GRM7: variants seen among roughly 807,000 people sequenced by gnomAD.
GRM7 encodes the protein metabotropic glutamate receptor 7.
In GRM7, 35 loss-of-function variants were observed where a neutral mutation model predicts 84.5. The ratio of observed to expected loss-of-function variants is 0.41; its 90% CI spans 0.32 to 0.55. The LOEUF (loss-of-function observed/expected upper bound fraction) is 0.55, where lower values mean the gene tolerates loss of function less well. GRM7 is among the 20% of genes least tolerant of loss of function. The pLI is 0.19. For synonymous variants in GRM7, 487 were observed against 455.1 expected (o/e 1.07, Z -0.89); for missense variants, 1,003 against 1,194.6 (o/e 0.84, Z 2.36).
chr3:7,168,196 T>C (rs1030901246), intron 2 of GRM7, among the ~76,000 whole-genome samples: 1 of 152,074 alleles, frequency 6.6e-6, no homozygotes, highest in African/African-American at 2.4e-5. Flanking sequence ...AGAAAACACT[T>C]AGCACAGTGC....
chr3:7,364,667 T>G (rs1177268100), intron 4 of GRM7, among the ~76,000 whole-genome samples: 1 of 152,042 alleles, frequency 6.6e-6, no homozygotes, highest in Non-Finnish European at 1.5e-5. Context: ...TTAATATCCA[T>G]GTTTGACTTA....
intron 1 of GRM7, among the ~76,000 whole-genome samples, chr3:7,075,401 T>C (rs1370586276): frequency 6.6e-6 from 1 of 152,142 alleles, no homozygotes; most frequent in Admixed American, 6.5e-5. Context: ...CTATAACTTC[T>C]GTACCTCCCA....
chr3:6,917,495 T>C (rs1257424366), intron 1 of GRM7, among the ~76,000 whole-genome samples: 1 of 30,314 alleles, frequency 3.3e-5, no homozygotes, highest in Admixed American at 2.8e-4. Context: ...TGTTAATTGC[T>C]TTTTTTTTTT....
chr3:7,007,755 T>A (rs139382923), intron 1 of GRM7, among the ~76,000 whole-genome samples: 318 of 152,354 alleles, frequency 2.1e-3, no homozygotes, highest in Non-Finnish European at 3.5e-3. Flanking sequence ...TGTAGATTGT[T>A]TCTTGAAGAA....
intron 1 of GRM7, among the ~76,000 whole-genome samples, chr3:7,011,059 C>T (rs1695352132): frequency 6.6e-6 from 1 of 152,168 alleles, no homozygotes. Context: ...TATCCTGGTT[C>T]CCCTCCTGGC....
intron 1 of GRM7, among the ~76,000 whole-genome samples, chr3:6,997,981 T>C (rs1475621601): frequency 2.0e-5 from 3 of 151,300 alleles, no homozygotes; most frequent in Non-Finnish European, 2.9e-5. Flanking sequence ...TAGCTGGGTG[T>C]GGTGGCCTGC....
chr3:7,692,717 C>T (rs1397879077), intron 9 of GRM7, among the ~76,000 whole-genome samples: 1 of 152,206 alleles, frequency 6.6e-6, no homozygotes, highest in Non-Finnish European at 1.5e-5. Flanking sequence ...TAGTAACACA[C>T]ACCAATGAGT....
At chr3:7,521,162 A>G (rs1052714470) in intron 7 of GRM7, among the ~76,000 whole-genome samples, 2 of 152,132 alleles carry the variant, frequency 1.3e-5, no homozygotes, top group Admixed American at 6.5e-5. Context: ...TGAGCTTACT[A>G]TTTCACTGGG....
At chr3:7,708,864 T>C (rs888835072) in intron 9 of GRM7, among the ~76,000 whole-genome samples, 1 of 151,632 alleles carries the variant, frequency 6.6e-6, no homozygotes, top group Admixed American at 6.6e-5. Context: ...TATACATAAA[T>C]ATAAACAAAT....
chr3:7,332,875 A>G (rs554506905), intron 4 of GRM7, among the ~76,000 whole-genome samples: 1 of 152,150 alleles, frequency 6.6e-6, no homozygotes, highest in South Asian at 2.1e-4. Context: ...GGTTTTTTCT[A>G]CCAGCCCTGG....
chr3:7,171,540 TTACTC>T (rs1694983876), intron 2 of GRM7, among the ~76,000 whole-genome samples: 1 of 152,234 alleles, frequency 6.6e-6, no homozygotes, highest in Admixed American at 6.5e-5. Flanking sequence ...AGCTATAACT[TTACTC>T]TTATTTGTGC....
chr3:6,863,123 C>CT lies in GRM7; in HGVS notation c.519+1217dup. 8.9e-6 allele frequency: 3 copies of CT among 337,698 alleles called. No individual in the cohort carries two copies. Among genetic ancestry groups the CT allele is most frequent in the Non-Finnish European group, 1.8e-5 (3 of 170,698 alleles). 20.9% of individuals were successfully genotyped at this position (337,698 alleles called of 1,614,324 possible). On this transcript the variant is annotated intron_variant, in intron 1 of 9. Transcript: ENST00000357716. The surrounding 1 kb of genome is among the most constrained non-coding windows in gnomAD (Gnocchi z 4.8). Reference sequence around the variant, plus strand: ...CTCTCTTTCTGTCTCTGTCTCCTTGCTGTTTTTTTTTTCTCTCTGTTTTTT... The same window carrying CT: ...CTCTCTTTCTGTCTCTGTCTCCTTGCTTGTTTTTTTTTTCTCTCTGTTTTTT...
At chr3:7,573,653 T>C (rs1238981708) in intron 7 of GRM7, among the ~76,000 whole-genome samples, 2 of 152,226 alleles carry the variant, frequency 1.3e-5, no homozygotes, top group East Asian at 3.8e-4. Context: ...ACACCATTTT[T>C]TCCCCCAACA....
At chr3:7,136,101 G>A (rs1230448694) in intron 1 of GRM7, among the ~76,000 whole-genome samples, 1 of 152,006 alleles carries the variant, frequency 6.6e-6, no homozygotes, top group Non-Finnish European at 1.5e-5. Flanking sequence ...AAGTGAAAGT[G>A]CGTCATACAT....
intron 1 of GRM7, among the ~76,000 whole-genome samples, chr3:6,988,992 G>A (rs1427281269): frequency 1.3e-5 from 2 of 152,068 alleles, no homozygotes; most frequent in Non-Finnish European, 2.9e-5. Flanking sequence ...ACTTTTAAAT[G>A]CTTGGTCAAA....
intron 1 of GRM7, among the ~76,000 whole-genome samples, chr3:6,916,625 C>A (rs1443607709): frequency 6.6e-6 from 1 of 152,192 alleles, no homozygotes; most frequent in East Asian, 1.9e-4. Context: ...AAGGGGGGAA[C>A]AAGCTGCCTC....
chr3:6,965,952 G>A (rs931259746), intron 1 of GRM7, among the ~76,000 whole-genome samples: 1 of 152,088 alleles, frequency 6.6e-6, no homozygotes, highest in Non-Finnish European at 1.5e-5. Context: ...AAAAGAAACG[G>A]TGTTTTGGTC....
intron 8 of GRM7, among the ~76,000 whole-genome samples, chr3:7,622,973 G>A (rs1300668279): frequency 2.6e-5 from 4 of 152,124 alleles, no homozygotes; most frequent in Non-Finnish European, 4.4e-5. Flanking sequence ...GGTAACTATG[G>A]GCGTCAACTA....
At chr3:7,671,992 G>A (rs1312104032) in intron 8 of GRM7, among the ~76,000 whole-genome samples, 3 of 152,002 alleles carry the variant, frequency 2.0e-5, no homozygotes, top group Non-Finnish European at 2.9e-5. Context: ...AATAATCCAA[G>A]GCCAAAGTCT....
Sources: allele counts gnomAD v4.1 joint callset (sites outside exome capture counted in the v4.1 genomes callset), GRCh38; gene constraint gnomAD v4.1.1; non-coding constraint Gnocchi (gnomAD v3.1); transcripts MANE v1.5; gene names NCBI Gene and HGNC (gene_info 2026-07-23, HGNC 2026-07-21).